The following TMIGD3 variants were observed in gnomAD, a reference collection of about 807,000 sequenced individuals.
The protein encoded by TMIGD3 is AD026 protein (AD026).
In TMIGD3, 21 loss-of-function variants were observed where a neutral mutation model predicts 28.1. The ratio of observed to expected loss-of-function variants is 0.75; its 90% CI spans 0.53 to 1.08. The LOEUF (loss-of-function observed/expected upper bound fraction) is 1.08, where lower values mean the gene tolerates loss of function less well. Among genes scored for constraint, TMIGD3 ranks in the 50% least tolerant of loss-of-function variants. The probability of loss-of-function intolerance (pLI) is 0.00; values close to 1 mark genes in which losing one functional copy is unlikely to be tolerated. For synonymous variants in TMIGD3, 151 were observed against 162.1 expected (o/e 0.93, Z 0.52); for missense variants, 416 against 435.6 (o/e 0.96, Z 0.40).
Position 111,483,617 on chromosome 1 carries a change from G to GACC in TMIGD3, c.*69_*70insGGT. 2 of 1,238,044 alleles carry GACC rather than the reference G, an allele frequency of 1.6e-6. No homozygotes were observed. 76.7% of individuals were successfully genotyped at this position (1,238,044 alleles called of 1,614,324 possible). A position where few individuals can be genotyped will look rare whatever the true frequency, so the allele number is the denominator to read the frequency against. Reference sequence around the variant, plus strand: ...GGAGATCAGAATCAGTCTCTGAGGTGTGGGCCAGTTGTCATGGTGATTATT... The same window carrying GACC: ...GGAGATCAGAATCAGTCTCTGAGGTGACCTGGGCCAGTTGTCATGGTGATTATT... On this transcript the variant is annotated 3_prime_UTR_variant, in exon 6 of 6. Transcript: ENST00000369716.
At chr1:111,545,087 C>T (rs970770594) in intron 1 of TMIGD3, among the ~76,000 whole-genome samples, 5 of 147,258 alleles carry the variant, frequency 3.4e-5, no homozygotes, top group African/African-American at 1.0e-4. Flanking sequence ...GGTACATACC[C>T]AATTTCTTGG....
chr1:111,500,067 G>A (rs760952472), intron 1 of TMIGD3: 10 of 1,614,090 alleles, frequency 6.2e-6, no homozygotes, highest in African/African-American at 2.7e-5. Flanking sequence ...AGGCATAGAC[G>A]ATAGGGTTCA....
rs115613162 is a variant in TMIGD3 at position 111,524,458 on chromosome 1, T to A, written c.108-33696A>T. Reference sequence around the variant, plus strand: ...TACCACACTGGGTGAAATAAACTTGTCAGTAGTATGGTTTTGTCACTTTCT... The same window carrying A: ...TACCACACTGGGTGAAATAAACTTGACAGTAGTATGGTTTTGTCACTTTCT... On this transcript the variant is annotated intron_variant, in intron 1 of 5. Coordinates refer to the TMIGD3 transcript ENST00000369717. Among the ~76,000 whole-genome samples the A allele has an allele frequency of 7.0e-3, 1,062 of 152,324 alleles. 10 individuals carry two copies. The highest frequency in any genetic ancestry group is 0.024 in the African/African-American group (996 of 41,574).
At chr1:111,543,008 T>A (rs1656900342) in intron 1 of TMIGD3, among the ~76,000 whole-genome samples, 1 of 152,230 alleles carries the variant, frequency 6.6e-6, no homozygotes, top group Non-Finnish European at 1.5e-5. Context: ...GCCATGTATT[T>A]GTTTTATAAC....
At chr1:111,484,805 A>G (rs572552486) in intron 5 of TMIGD3, among the ~76,000 whole-genome samples, 1 of 152,182 alleles carries the variant, frequency 6.6e-6, no homozygotes, top group Non-Finnish European at 1.5e-5. Flanking sequence ...GTCTGTTTTT[A>G]ATTATGCCTA....
chr1:111,560,996 C>T (rs185889086), intron 1 of TMIGD3, among the ~76,000 whole-genome samples: 2 of 152,332 alleles, frequency 1.3e-5, no homozygotes, highest in African/African-American at 4.8e-5. Flanking sequence ...AAAGCCCATC[C>T]TTTACTAGGC....
At chr1:111,549,012 T>G (rs1657144759) in intron 1 of TMIGD3, among the ~76,000 whole-genome samples, 1 of 152,236 alleles carries the variant, frequency 6.6e-6, no homozygotes, top group Non-Finnish European at 1.5e-5. Context: ...TCTTCTCATA[T>G]GTGTTTTCCA....
At chr1:111,534,810 A>G (rs182971895) in intron 1 of TMIGD3, among the ~76,000 whole-genome samples, 1 of 152,244 alleles carries the variant, frequency 6.6e-6, no homozygotes, top group Non-Finnish European at 1.5e-5. Context: ...TGTGGACTCA[A>G]TGCTGACTTC....
upstream of TMIGD3, chr1:111,504,030 T>G (rs1365907161): frequency 1.0e-6 from 1 of 985,260 alleles, no homozygotes; most frequent in Non-Finnish European, 1.2e-6. Context: ...GGTGGCAGCC[T>G]CCTAACCTTA....
At chr1:111,486,801 G>A in intron 3 of TMIGD3, 149 bp from the exon 4 acceptor site, 3 of 708,024 alleles carry the variant, frequency 4.2e-6, no homozygotes, top group Non-Finnish European at 7.6e-6. Context: ...ACGCGCAGTT[G>A]TATAAATGTG....
At chr1:111,546,408 A>G (rs1657035400) in intron 1 of TMIGD3, among the ~76,000 whole-genome samples, 1 of 152,104 alleles carries the variant, frequency 6.6e-6, no homozygotes, top group African/African-American at 2.4e-5. Flanking sequence ...TACCCATTAA[A>G]CAGTAACTCC....
intron 1 of TMIGD3, among the ~76,000 whole-genome samples, chr1:111,510,565 G>A (rs1371082139): frequency 3.3e-5 from 5 of 152,078 alleles, no homozygotes; most frequent in African/African-American, 7.2e-5. Context: ...TGTCAGAGCC[G>A]ATGTTCGGTC....
chr1:111,555,745 A>G (rs1459120238), intron 1 of TMIGD3, among the ~76,000 whole-genome samples: 3 of 152,206 alleles, frequency 2.0e-5, no homozygotes, highest in Non-Finnish European at 4.4e-5. Context: ...ACCTTATACC[A>G]TATACAAAAA....
chr1:111,499,020 T>C (rs983766302), intron 1 of TMIGD3, among the ~76,000 whole-genome samples: 2 of 150,238 alleles, frequency 1.3e-5, no homozygotes, highest in African/African-American at 4.9e-5. Flanking sequence ...GAGCCAGGGA[T>C]GTTGAGGCTG....
chr1:111,485,779 G>A lies in TMIGD3; in HGVS notation c.934C>T (p.His312Tyr), dbSNP rs369457213. 1 of 1,503,284 alleles carries A rather than the reference G, an allele frequency of 6.7e-7. No homozygotes were observed. Among genetic ancestry groups the A allele is most frequent in the Non-Finnish European group, 9.0e-7 (1 of 1,113,044 alleles). 93.1% of individuals were successfully genotyped at this position (1,503,284 alleles called of 1,614,324 possible). The change falls in exon 5 of 6, where the codon CAT (histidine) becomes TAT (tyrosine). Residue 312 changes from histidine to tyrosine, a missense_variant. Coordinates refer to ENST00000369716, the MANE Select transcript of TMIGD3 (RefSeq NM_020683.7). ...TGACTTCTCCTCCTTTTGGTCAAATGACTGATTACAGAGATGATTCCCAAA... is the reference window on the plus strand; with the variant it reads ...TGACTTCTCCTCCTTTTGGTCAAATAACTGATTACAGAGATGATTCCCAAA... ...TGLGIISVIS[H>Y]LTKRRRSQRN...
intron 1 of TMIGD3, among the ~76,000 whole-genome samples, chr1:111,527,974 A>G (rs1023655793): frequency 2.0e-5 from 3 of 151,830 alleles, no homozygotes; most frequent in African/African-American, 4.8e-5. Flanking sequence ...CTCTCTTAAC[A>G]TTGTTTTTTT....
chr1:111,525,843 G>A (rs1378113780), intron 1 of TMIGD3, among the ~76,000 whole-genome samples: 2 of 152,170 alleles, frequency 1.3e-5, no homozygotes, highest in Non-Finnish European at 2.9e-5. Context: ...CAGCCTGAGA[G>A]ACAGAGCGAG....
At chr1:111,542,212 A>G (rs1036281804) in intron 1 of TMIGD3, 11 of 572,010 alleles carry the variant, frequency 1.9e-5, no homozygotes, top group Non-Finnish European at 3.4e-5. Flanking sequence ...GCTTAATGAA[A>G]CAGACATCCT....
Position 111,488,804 on chromosome 1 carries a change from G to GAA in TMIGD3, c.677_678insTT (p.Lys227SerfsTer26). The GAA allele has an allele frequency of 6.2e-7, 1 of 1,614,210 alleles. No homozygotes were observed. Among genetic ancestry groups the GAA allele is most frequent in the Non-Finnish European group, 8.5e-7 (1 of 1,180,040 alleles). ...ACCAGTACCAGCCCGTGTCCTCTTT[G>GAA]GTCAGGCAGGACATAGTGACAATGA... On this transcript the variant is annotated frameshift_variant, in exon 3 of 6. Transcript: ENST00000369716. LOFTEE classifies it high-confidence loss of function.
Sources: gnomAD v4.1 joint callset for allele counts (sites outside exome capture counted in the v4.1 genomes callset) on GRCh38, gnomAD v4.1.1 for gene constraint, MANE v1.5 for transcripts, NCBI Gene and HGNC (gene_info 2026-07-23, HGNC 2026-07-21) for gene names.